The following ATXN10 variants were observed in gnomAD, a reference collection of about 807,000 sequenced individuals.
The protein encoded by ATXN10 is ataxin 10, also known as ataxin-10.
In ATXN10, 28 loss-of-function variants were observed where a neutral mutation model predicts 52.9. That is an observed-to-expected ratio of 0.53 (90% confidence interval 0.39 to 0.73). ATXN10 has a LOEUF of 0.73. ATXN10 is among the 30% of genes least tolerant of loss of function. ATXN10 has a pLI of 0.00. For synonymous variants in ATXN10, 226 were observed against 221.5 expected (o/e 1.02, Z -0.18); for missense variants, 565 against 577.0 (o/e 0.98, Z 0.21).
rs1403014190 is a variant in ATXN10 at position 45,683,983 on chromosome 22, G to A, written c.117-5729G>A. On this transcript the variant is annotated intron_variant, in intron 1 of 11. Coordinates refer to ENST00000252934, the MANE Select transcript of ATXN10 (RefSeq NM_013236.4). This position sits in a 1 kb window ranked among gnomAD's most constrained non-coding sequence, Gnocchi z 4.8. ...CATGTTTTCTTAGAGACAAGGTCTC[G>A]CTGTGTCACCCAGGCCTGAGTGCAG... Among the ~76,000 whole-genome samples the A allele has an allele frequency of 1.3e-5, 2 of 151,814 alleles. No individual in the cohort carries two copies. The highest frequency in any genetic ancestry group is 2.4e-5 in the African/African-American group (1 of 41,292).
chr22:45,709,847 A>G (rs1924177020), intron 5 of ATXN10, among the ~76,000 whole-genome samples: 2 of 152,186 alleles, frequency 1.3e-5, no homozygotes, highest in African/African-American at 4.8e-5. Context: ...ACCAATGTTT[A>G]TCCTTCAGTA....
At chr22:45,832,449 G>A (rs1319673377) in intron 10 of ATXN10, among the ~76,000 whole-genome samples, 1 of 152,152 alleles carries the variant, frequency 6.6e-6, no homozygotes, top group African/African-American at 2.4e-5. Context: ...TCCTCAGAGA[G>A]GCCTTCCCTA....
In ATXN10 at chr22:45,834,192, G is replaced by A. The variant is rs5765654; in HGVS notation, c.1238-8799G>A. Among the ~76,000 whole-genome samples, 352 of 152,288 alleles carry A rather than the reference G, an allele frequency of 2.3e-3. 8 individuals are homozygous for A. The highest frequency in any genetic ancestry group is 0.018 in the Admixed American group (280 of 15,294). Reference sequence around the variant, plus strand: ...TGGCTTATGTGAGAGACACTTAATTGTACAAAGCTTTGCTTGCATTGAGAG... The same window carrying A: ...TGGCTTATGTGAGAGACACTTAATTATACAAAGCTTTGCTTGCATTGAGAG... On this transcript the variant is annotated intron_variant, in intron 10 of 11. Transcript: ENST00000252934.
At chr22:45,686,777 C>G (rs1457630223) in intron 1 of ATXN10, among the ~76,000 whole-genome samples, 1 of 149,292 alleles carries the variant, frequency 6.7e-6, no homozygotes, top group African/African-American at 2.5e-5. Flanking sequence ...TGAGATCACG[C>G]TACTGCACTC....
At chr22:45,729,242 A>C (rs1429573504) in intron 6 of ATXN10, among the ~76,000 whole-genome samples, 183 bp from the exon 7 acceptor site, 2 of 152,264 alleles carry the variant, frequency 1.3e-5, no homozygotes, top group African/African-American at 2.4e-5. Context: ...AAAGAAATGA[A>C]GAATTTAAAA....
At chr22:45,675,342 T>C (rs542442055) in intron 1 of ATXN10, 1 of 152,350 alleles carries the variant, frequency 6.6e-6, no homozygotes, top group Non-Finnish European at 1.5e-5. Context: ...TCTTTGATAC[T>C]CTGACCTTCT....
chr22:45,811,687 T>C (rs1362362375), intron 10 of ATXN10: 1 of 470,296 alleles, frequency 2.1e-6, no homozygotes, highest in South Asian at 1.6e-5. Context: ...TGATATTGTC[T>C]CTATCCCCAG....
chr22:45,708,106 C>T lies in ATXN10; in HGVS notation c.647+5259C>T, dbSNP rs754630367. Among the ~76,000 whole-genome samples the T allele has an allele frequency of 1.3e-4, 20 of 152,020 alleles. No individual in the cohort carries two copies. The highest frequency in any genetic ancestry group is 2.2e-4 in the Non-Finnish European group (15 of 67,998). ...TACTAGAGACACAGGAAAGTGTAGG[C>T]GAGAAAGTCTTTGGCACTACTTGGT... On this transcript the variant is annotated intron_variant, in intron 5 of 11. Coordinates refer to ENST00000252934, the MANE Select transcript of ATXN10 (RefSeq NM_013236.4). This position sits in a 1 kb window ranked among gnomAD's most constrained non-coding sequence, Gnocchi z 5.3.
chr22:45,711,145 G>T (rs1247130979), intron 5 of ATXN10, among the ~76,000 whole-genome samples: 1 of 151,928 alleles, frequency 6.6e-6, no homozygotes, highest in East Asian at 1.9e-4. Context: ...ACCCCAGTCA[G>T]TGTCTTAAAA....
Position 45,757,056 on chromosome 22 carries a change from C to T in ATXN10, c.1173+16518C>T, listed in dbSNP as rs1168582434. ...CGGTTCCAGATGCTTTCCCAAGTGG[C>T]TGTGCCCTCCTCCTATTTGCGGAGG... is the stretch of plus-strand genomic sequence containing the variant. On this transcript the variant is annotated intron_variant, in intron 9 of 11. Transcript: ENST00000252934. The surrounding 1 kb of genome is among the most constrained non-coding windows in gnomAD (Gnocchi z 4.6). Among the ~76,000 whole-genome samples the T allele has an allele frequency of 6.6e-6, 1 of 152,124 alleles. No homozygotes were observed. Among genetic ancestry groups the T allele is most frequent in the Non-Finnish European group, 1.5e-5 (1 of 68,014 alleles).
chr22:45,800,125 G>T (rs2146877570), intron 9 of ATXN10, among the ~76,000 whole-genome samples: 1 of 152,228 alleles, frequency 6.6e-6, no homozygotes, highest in African/African-American at 2.4e-5. Flanking sequence ...TTGGTAAATT[G>T]TATCTCATCT....
At chr22:45,756,105 C>T (rs547236176) in intron 9 of ATXN10, among the ~76,000 whole-genome samples, 14 of 152,066 alleles carry the variant, frequency 9.2e-5, no homozygotes, top group Non-Finnish European at 1.9e-4. Context: ...TCCATGTTAT[C>T]GTAAATTAAG....
At position 45,733,185 on chromosome 22, in the gene ATXN10, A is replaced by G. The variant is rs1199831388; in HGVS notation, c.894+3595A>G. Among the ~76,000 whole-genome samples, 1 of 152,176 alleles carries G rather than the reference A, an allele frequency of 6.6e-6. No homozygotes were observed. Among genetic ancestry groups the G allele is most frequent in the Non-Finnish European group, 1.5e-5 (1 of 68,024 alleles). On this transcript the variant is annotated intron_variant, in intron 7 of 11. Transcript: ENST00000252934. The surrounding 1 kb of genome is among the most constrained non-coding windows in gnomAD (Gnocchi z 4.4). ...TTTAGCTTTGTATTTTCTGATATCC[A>G]TATATTACAATAATTGTTGCCAGGT...
At chr22:45,672,866 C>G (rs1337174831) in intron 1 of ATXN10, 2 of 152,216 alleles carry the variant, frequency 1.3e-5, no homozygotes, top group Non-Finnish European at 2.9e-5. Flanking sequence ...TTCTCCAGGC[C>G]TTAGAATTCT....
Position 45,770,845 on chromosome 22 carries a change from AC to A in ATXN10, c.1173+30312del, listed in dbSNP as rs1244453231. Among the ~76,000 whole-genome samples, 2 of 152,264 alleles carry A rather than the reference AC, an allele frequency of 1.3e-5. No homozygotes were observed. On this transcript the variant is annotated intron_variant, in intron 9 of 11. Coordinates refer to ENST00000252934, the MANE Select transcript of ATXN10 (RefSeq NM_013236.4). The surrounding 1 kb of genome is among the most constrained non-coding windows in gnomAD (Gnocchi z 4.5). ...TCATTTGGTCCCATGGCCTGGGAATACCCCCAAATTCCCTCCCTGATCCCTG... is the reference window on the plus strand; with the variant it reads ...TCATTTGGTCCCATGGCCTGGGAATACCCCAAATTCCCTCCCTGATCCCTG...
intron 10 of ATXN10, among the ~76,000 whole-genome samples, chr22:45,829,981 A>C (rs1004193123): frequency 1.3e-5 from 2 of 152,240 alleles, no homozygotes; most frequent in African/African-American, 4.8e-5. Context: ...TAATAAAGCT[A>C]CAATAATCAA....
At chr22:45,797,567 A>C (rs576325321) in intron 9 of ATXN10, among the ~76,000 whole-genome samples, 56 of 152,234 alleles carry the variant, frequency 3.7e-4, no homozygotes, top group Non-Finnish European at 6.8e-4. Context: ...GTGTTTAGGA[A>C]ATTTAAAATA....
chr22:45,724,500 C>CT (rs1924790949), intron 6 of ATXN10, among the ~76,000 whole-genome samples: 1 of 152,046 alleles, frequency 6.6e-6, no homozygotes, highest in Admixed American at 6.6e-5. Flanking sequence ...CATTTGCCCA[C>CT]TTTTTGATGG....
intron 1 of ATXN10, among the ~76,000 whole-genome samples, chr22:45,682,920 T>A (rs547078241): frequency 6.6e-6 from 1 of 152,320 alleles, no homozygotes; most frequent in South Asian, 2.1e-4. Context: ...GCCCCCTAAC[T>A]GGTCTCCTGC....
Sources: gnomAD v4.1 joint callset for allele counts (sites outside exome capture counted in the v4.1 genomes callset) on GRCh38, gnomAD v4.1.1 for gene constraint, Gnocchi (gnomAD v3.1) non-coding constraint, MANE v1.5 for transcripts, NCBI Gene and HGNC (gene_info 2026-07-23, HGNC 2026-07-21) for gene names.